FAM184B: variants seen among roughly 807,000 people sequenced by gnomAD.
The protein encoded by FAM184B is protein FAM184B.
Under a neutral mutation model 135.9 loss-of-function variants are expected in FAM184B, and 111 were observed. That is an observed-to-expected ratio of 0.82 (90% CI 0.70 to 0.96). The LOEUF is 0.96. FAM184B is among the 40% of genes least tolerant of loss of function. The pLI is 0.00. For synonymous variants in FAM184B, 552 were observed against 524.8 expected, an observed-to-expected ratio of 1.05 and a Z score of -0.71; for missense variants, 1,375 against 1,323.9, an observed-to-expected ratio of 1.04 and a Z score of -0.60.
chr4:17,643,531 C>T (rs1715382213), intron 12 of FAM184B, among the ~76,000 whole-genome samples: 2 of 152,094 alleles, frequency 1.3e-5, no homozygotes, highest in Admixed American at 1.3e-4. Context: ...TGGCCCAGTC[C>T]CCAGCTGTCT....
At chr4:17,650,645 G>A (rs1483839038) in intron 11 of FAM184B, among the ~76,000 whole-genome samples, 3 of 152,194 alleles carry the variant, frequency 2.0e-5, no homozygotes, top group Non-Finnish European at 4.4e-5. Flanking sequence ...TGAGCCATGT[G>A]GCACAGCCTG....
At chr4:17,710,450 A>G (rs529232757) in intron 1 of FAM184B, among the ~76,000 whole-genome samples, 5 of 152,328 alleles carry the variant, frequency 3.3e-5, no homozygotes, top group African/African-American at 1.2e-4. Context: ...AAACTACAAG[A>G]TTGTCTCAAT....
chr4:17,763,227 C>T (rs1183175923), intron 1 of FAM184B, among the ~76,000 whole-genome samples: 2 of 152,128 alleles, frequency 1.3e-5, no homozygotes, highest in Non-Finnish European at 2.9e-5. Flanking sequence ...TGGCCTCCAA[C>T]ACTGAAAATG....
intron 13 of FAM184B, among the ~76,000 whole-genome samples, chr4:17,640,338 G>C (rs1715273477): frequency 6.7e-6 from 1 of 149,536 alleles, no homozygotes; most frequent in Non-Finnish European, 1.5e-5. Flanking sequence ...AAAAAAATTA[G>C]CTGGGCATGG....
At chr4:17,660,159 G>T (rs1463411114) in intron 8 of FAM184B, 72 bp from the exon 9 acceptor site, 2 of 1,505,220 alleles carry the variant, frequency 1.3e-6, no homozygotes, top group South Asian at 2.5e-5. Context: ...CCGATAACGT[G>T]CCAGCCACTG....
chr4:17,698,570 C>T (rs1348853152), intron 5 of FAM184B, among the ~76,000 whole-genome samples: 1 of 152,040 alleles, frequency 6.6e-6, no homozygotes, highest in African/African-American at 2.4e-5. Flanking sequence ...AGTACAAGGC[C>T]TTAAATAATC....
intron 1 of FAM184B, among the ~76,000 whole-genome samples, chr4:17,768,314 G>A (rs896953999): frequency 9.9e-5 from 15 of 151,984 alleles, no homozygotes; most frequent in East Asian, 1.9e-4. Context: ...GTCTCTTGTC[G>A]CCCAGACTGG....
At chr4:17,705,409 G>A (rs1122696) in intron 4 of FAM184B, among the ~76,000 whole-genome samples, 147,764 of 152,358 alleles carry the variant, frequency 0.97, 71,812 homozygotes, top group East Asian at 1. Context: ...GCAATGGTGT[G>A]TCTATTATCA....
intron 16 of FAM184B, 139 bp downstream of exon 16, chr4:17,634,870 A>G: frequency 1.7e-6 from 1 of 576,460 alleles, no homozygotes; most frequent in Non-Finnish European, 3.0e-6. Context: ...CCAGCCATAG[A>G]TATAAACAAG....
chr4:17,713,013 G>A (rs1403906931), intron 1 of FAM184B, among the ~76,000 whole-genome samples: 7 of 152,126 alleles, frequency 4.6e-5, no homozygotes, highest in Admixed American at 6.5e-5. Context: ...GTATAACCAC[G>A]ACACAGCCTA....
At chr4:17,661,688 G>A (rs1715923804) in intron 8 of FAM184B, among the ~76,000 whole-genome samples, 1 of 152,206 alleles carries the variant, frequency 6.6e-6, no homozygotes, top group Admixed American at 6.5e-5. Flanking sequence ...GAGCAATGAA[G>A]CAGGGATACC....
At chr4:17,637,982 A>T (rs1302088669) in intron 14 of FAM184B, among the ~76,000 whole-genome samples, 24 of 32,952 alleles carry the variant, frequency 7.3e-4, no homozygotes. Context: ...CTCTCCTCCC[A>T]CTCACCCTCC....
rs1491120270 is a variant in FAM184B, at chr4:17,751,867, A to AC, written c.141+29291_141+29292insG. 2.7e-3 allele frequency among the ~76,000 whole-genome samples: 396 copies of AC among 149,406 alleles called. 1 individual carries two copies. The highest frequency in any genetic ancestry group is 3.5e-3 in the East Asian group (18 of 5,110). On this transcript the variant is annotated intron_variant, in intron 1 of 17. Transcript: ENST00000265018. Reference sequence around the variant, plus strand: ...CACACACACACACACACACACACACAAAAGAACCAGGCACGCAAGTTCAGA... The same window carrying AC: ...CACACACACACACACACACACACACACAAAGAACCAGGCACGCAAGTTCAGA...
chr4:17,695,985 A>G (rs1333912826), intron 5 of FAM184B, among the ~76,000 whole-genome samples: 1 of 152,212 alleles, frequency 6.6e-6, no homozygotes, highest in Non-Finnish European at 1.5e-5. Flanking sequence ...CCTGTGAATT[A>G]GAGGTTACAA....
chr4:17,659,108 C>CTT lies in FAM184B; in HGVS notation c.1825-548_1825-547dup, dbSNP rs111265251. On this transcript the variant is annotated intron_variant, in intron 9 of 17. Coordinates refer to ENST00000265018, the MANE Select transcript of FAM184B (RefSeq NM_015688.2). The stretch of plus-strand genomic sequence containing the variant: ...ATACATATCATTATATATAAAATAT[C>CTT]TTTTTTTTTTTTTTTGAGACAGGGT... Among the ~76,000 whole-genome samples, 5 of 142,928 alleles carry CTT rather than the reference C, an allele frequency of 3.5e-5. No homozygotes were observed. In the East Asian group the frequency reaches 1.0e-3, roughly 29 times the overall value. The allele number at this position is 142,928 out of a possible 152,430, so 93.8% of individuals were successfully genotyped here.
At chr4:17,638,175 TA>T (rs1348214369) in intron 14 of FAM184B, among the ~76,000 whole-genome samples, 12 of 132,598 alleles carry the variant, frequency 9.0e-5, no homozygotes, top group African/African-American at 2.7e-4. Context: ...AGACAGGGTC[TA>T]TTTTTTTTGT....
intron 1 of FAM184B, among the ~76,000 whole-genome samples, chr4:17,710,772 G>A (rs1338314297): frequency 6.6e-6 from 1 of 152,196 alleles, no homozygotes; most frequent in Non-Finnish European, 1.5e-5. Flanking sequence ...TTAGGATGTT[G>A]GCCTGAGCCA....
At chr4:17,727,578 T>C (rs1049843179) in intron 1 of FAM184B, among the ~76,000 whole-genome samples, 1 of 152,162 alleles carries the variant, frequency 6.6e-6, no homozygotes, top group South Asian at 2.1e-4. Flanking sequence ...GCAGGCAACT[T>C]CTTCACAAGG....
chr4:17,766,887 G>C (rs573591936), intron 1 of FAM184B, among the ~76,000 whole-genome samples: 2 of 152,166 alleles, frequency 1.3e-5, no homozygotes, highest in African/African-American at 2.4e-5. Flanking sequence ...GGCTCCGGCC[G>C]CACAGGAGCC....
Sources: gnomAD v4.1 joint callset for allele counts (sites outside exome capture counted in the v4.1 genomes callset) on GRCh38, gnomAD v4.1.1 for gene constraint, MANE v1.5 for transcripts, NCBI Gene and HGNC (gene_info 2026-07-23, HGNC 2026-07-21) for gene names.